Variants in PPFIA2 observed in about 807,000 individuals in gnomAD.
The protein encoded by PPFIA2 is PPFI scaffold protein A2, also known as liprin-alpha-2.
A neutral mutation model predicts 175.5 loss-of-function variants in PPFIA2; 46 were observed. That is an observed-to-expected ratio of 0.26 (90% CI 0.21 to 0.34). The LOEUF is 0.34. Ranked by LOEUF, PPFIA2 falls within the 10% of genes least tolerant of loss-of-function variation. The pLI is 1.00. For missense variants in PPFIA2, 1,179 were observed against 1,506.1 expected (o/e 0.78, Z 3.60); for synonymous variants, 568 against 511.4 (o/e 1.11, Z -1.49).
chr12:81,463,288 A>G (rs2054989948), intron 4 of PPFIA2, among the ~76,000 whole-genome samples: 1 of 152,086 alleles, frequency 6.6e-6, no homozygotes, highest in Non-Finnish European at 1.5e-5. Context: ...TGAGAAATCA[A>G]TGTTAGAAGG....
chr12:81,478,599 A>G (rs576745111), intron 4 of PPFIA2, among the ~76,000 whole-genome samples: 2 of 152,130 alleles, frequency 1.3e-5, no homozygotes, highest in Non-Finnish European at 2.9e-5. Context: ...TGTGTCCCAG[A>G]TATTCTGCTA....
chr12:81,506,218 T>C (rs1167435621), intron 4 of PPFIA2: 1 of 152,238 alleles, frequency 6.6e-6, no homozygotes, highest in Non-Finnish European at 1.5e-5. Context: ...CAGTTATAAC[T>C]TTTATTATTT....
chr12:81,294,010 C>T (rs891736147), intron 24 of PPFIA2, among the ~76,000 whole-genome samples: 4 of 140,500 alleles, frequency 2.8e-5, no homozygotes, highest in African/African-American at 5.2e-5. Flanking sequence ...AACTGGAGAC[C>T]ATTATCCCAA....
At chr12:81,544,639 G>T (rs1471961068) in intron 4 of PPFIA2, among the ~76,000 whole-genome samples, 1 of 151,942 alleles carries the variant, frequency 6.6e-6, no homozygotes, top group African/African-American at 2.4e-5. Flanking sequence ...CTATTCTTGA[G>T]ATTCCACAGA....
At chr12:81,270,793 A>G (rs1413445541) in intron 28 of PPFIA2, 3 of 152,196 alleles carry the variant, frequency 2.0e-5, no homozygotes, top group Middle Eastern at 3.2e-3. Flanking sequence ...GGGGTGTCTC[A>G]TTGTAGTTTT....
chr12:81,368,529 C>T (rs993634755), intron 13 of PPFIA2, among the ~76,000 whole-genome samples, 196 bp downstream of exon 13: 5 of 151,704 alleles, frequency 3.3e-5, no homozygotes. Context: ...ATATATCATG[C>T]AAATTTTTTA....
In PPFIA2 at chr12:81,317,422, G is replaced by A. The variant is rs545733808; in HGVS notation, c.2642+8355C>T. Among the ~76,000 whole-genome samples, 11 of 151,624 alleles carry A rather than the reference G, an allele frequency of 7.3e-5. No individual in the cohort carries two copies. The South Asian group carries it at 1.9e-3, about 26-fold the overall frequency. On this transcript the variant is annotated intron_variant, in intron 22 of 32. Coordinates refer to ENST00000549396, the MANE Select transcript of PPFIA2 (RefSeq NM_003625.5). ...TCTGTTTAGCTTAAGCGTGACTAAC[G>A]GATTATAGGAAGGCAAGACTAGAAG...
chr12:81,298,891 G>A (rs2047131458), intron 23 of PPFIA2, among the ~76,000 whole-genome samples: 1 of 152,156 alleles, frequency 6.6e-6, no homozygotes, highest in Non-Finnish European at 1.5e-5. Flanking sequence ...ACAGGCAAAG[G>A]AATGTCTCTC....
In PPFIA2 at chr12:81,277,415, C is replaced by CTTT; in HGVS notation, c.3213-4_3213-2dup. 8.0e-7 allele frequency: 1 copy of CTTT among 1,243,166 alleles called. No homozygotes were observed. 77.0% of individuals were successfully genotyped at this position (1,243,166 alleles called of 1,614,324 possible). ...CATAATTCCATATTGTAAACTTGTT[C>CTTT]TTTTTTTTTTATTAAAAAAAAAAAA... On this transcript the variant is annotated splice_acceptor_variant, in intron 27 of 32. Transcript: ENST00000549396. LOFTEE classifies it high-confidence loss of function.
intron 12 of PPFIA2, 108 bp downstream of exon 12, chr12:81,369,003 T>A: frequency 7.8e-7 from 1 of 1,277,930 alleles, no homozygotes; most frequent in South Asian, 1.5e-5. Context: ...CAGGTCATAT[T>A]TGTAAGTTTT....
At chr12:81,284,836 T>C (rs2042908033) in intron 24 of PPFIA2, among the ~76,000 whole-genome samples, 1 of 152,178 alleles carries the variant, frequency 6.6e-6, no homozygotes, top group Non-Finnish European at 1.5e-5. Flanking sequence ...GCATCAGCTT[T>C]TCCCAAAAGA....
chr12:81,534,027 G>A (rs2065027255), intron 4 of PPFIA2, among the ~76,000 whole-genome samples: 1 of 151,618 alleles, frequency 6.6e-6, no homozygotes, highest in Non-Finnish European at 1.5e-5. Flanking sequence ...AACATGGATG[G>A]ATATGTAGGT....
intron 21 of PPFIA2, among the ~76,000 whole-genome samples, chr12:81,327,466 C>T (rs904339643): frequency 6.6e-6 from 1 of 151,858 alleles, no homozygotes; most frequent in Non-Finnish European, 1.5e-5. Context: ...TGTATATTTG[C>T]CTTACTGTAT....
At chr12:81,289,049 G>A (rs1457595140) in intron 24 of PPFIA2, among the ~76,000 whole-genome samples, 1 of 151,774 alleles carries the variant, frequency 6.6e-6, no homozygotes, top group Non-Finnish European at 1.5e-5. Context: ...ATGACCTTAG[G>A]TGAGTCAGTT....
intron 7 of PPFIA2, among the ~76,000 whole-genome samples, chr12:81,433,547 T>G (rs1002215355): frequency 6.6e-6 from 1 of 152,182 alleles, no homozygotes; most frequent in South Asian, 2.1e-4. Context: ...CTCTCAAAAT[T>G]TTCTGCACAT....
intron 7 of PPFIA2, among the ~76,000 whole-genome samples, chr12:81,408,249 T>C (rs549298579): frequency 6.6e-6 from 1 of 152,314 alleles, no homozygotes; most frequent in Non-Finnish European, 1.5e-5. Flanking sequence ...AACTTATTGC[T>C]TTTTGCATAA....
At chr12:81,639,092 G>A (rs1720837433) in intron 4 of PPFIA2, among the ~76,000 whole-genome samples, 1 of 152,048 alleles carries the variant, frequency 6.6e-6, no homozygotes, top group Non-Finnish European at 1.5e-5. Flanking sequence ...TTTGAAGGAA[G>A]TACTTGTTAT....
chr12:81,675,064 G>GT (rs1275951488), intron 4 of PPFIA2, among the ~76,000 whole-genome samples: 1 of 151,600 alleles, frequency 6.6e-6, no homozygotes, highest in Middle Eastern at 3.4e-3. Flanking sequence ...TTCAGAAAAC[G>GT]TAAGTATAAA....
At chr12:81,587,395 G>A (rs2075441758) in intron 4 of PPFIA2, among the ~76,000 whole-genome samples, 1 of 151,852 alleles carries the variant, frequency 6.6e-6, no homozygotes, top group South Asian at 2.1e-4. Flanking sequence ...CTTCCACCAT[G>A]ATTATAAGTT....
Sources: allele counts gnomAD v4.1 joint callset (sites outside exome capture counted in the v4.1 genomes callset), GRCh38; gene constraint gnomAD v4.1.1; transcripts MANE v1.5; gene names NCBI Gene and HGNC (gene_info 2026-07-23, HGNC 2026-07-21).